PDE3A: variants seen among roughly 807,000 people sequenced by gnomAD.
PDE3A encodes the protein cGMP-inhibited 3',5'-cyclic phosphodiesterase 3A.
PDE3A carries 43 observed loss-of-function variants against 98.3 expected under a neutral mutation model. The observed-to-expected ratio is 0.44, with a 90% CI of 0.34 to 0.56. The LOEUF is 0.56. PDE3A is among the 20% of genes least tolerant of loss of function. The pLI is 0.01. For missense variants in PDE3A, 1,427 were observed against 1,440.7 expected (o/e 0.99, Z 0.15); for synonymous variants, 663 against 567.9 (o/e 1.17, Z -2.38).
At chr12:20,496,994 T>C (rs970828864) in intron 1 of PDE3A, among the ~76,000 whole-genome samples, 7 of 152,176 alleles carry the variant, frequency 4.6e-5, no homozygotes, top group African/African-American at 1.2e-4. Context: ...CCACTTGCTG[T>C]AGTATCTCAA....
At chr12:20,666,938 G>A (rs1289200145) in intron 15 of PDE3A, among the ~76,000 whole-genome samples, 1 of 152,088 alleles carries the variant, frequency 6.6e-6, no homozygotes, top group Non-Finnish European at 1.5e-5. Flanking sequence ...GCCAGCATCT[G>A]TTGTTTTTCT....
intron 15 of PDE3A, among the ~76,000 whole-genome samples, chr12:20,663,719 T>G (rs1384874942): frequency 1.3e-5 from 2 of 152,218 alleles, no homozygotes; most frequent in Non-Finnish European, 2.9e-5. Flanking sequence ...TTGCTTTTGA[T>G]TTTGCAGGTT....
At chr12:20,482,155 G>A (rs534311350) in intron 1 of PDE3A, among the ~76,000 whole-genome samples, 2 of 151,998 alleles carry the variant, frequency 1.3e-5, no homozygotes, top group South Asian at 2.1e-4. Flanking sequence ...TTTGACTCGT[G>A]TGATTACATA....
At chr12:20,659,628 G>T (rs1477023110) in intron 15 of PDE3A, among the ~76,000 whole-genome samples, 2 of 151,880 alleles carry the variant, frequency 1.3e-5, no homozygotes, top group Non-Finnish European at 2.9e-5. Context: ...GTAGAAACAG[G>T]ACCTCACTAT....
Position 20,637,144 on chromosome 12 carries a change from G to A in PDE3A, c.2046G>A (p.Leu682=). The change falls in exon 9 of 16, where the codon CTG becomes CTA. Residue 682 remains leucine, a synonymous_variant. Transcript: ENST00000359062. ...CCGAACCTCTTGTCATGGATAACCT[G>A]GACTCAATTATGGAGCAGCTAAATA... ...LAPEPLVMDN[L]DSIMEQLNTW... 1 of 1,609,224 alleles carries A rather than the reference G, an allele frequency of 6.2e-7. No homozygotes were observed. Among genetic ancestry groups the A allele is most frequent in the South Asian group, 1.1e-5 (1 of 90,548 alleles).
At chr12:20,380,451 T>G (rs1387350772) in intron 1 of PDE3A, among the ~76,000 whole-genome samples, 2 of 151,854 alleles carry the variant, frequency 1.3e-5, no homozygotes, top group Non-Finnish European at 2.9e-5. Context: ...CCACCTACTT[T>G]TTAATAGAAC....
intron 1 of PDE3A, among the ~76,000 whole-genome samples, chr12:20,510,781 GT>G (rs1331409901): frequency 6.6e-6 from 1 of 151,980 alleles, no homozygotes; most frequent in Non-Finnish European, 1.5e-5. Context: ...TCCATAATAT[GT>G]CCTCTGTTTC....
intron 10 of PDE3A, among the ~76,000 whole-genome samples, chr12:20,642,592 C>T (rs1944669646): frequency 6.6e-6 from 1 of 152,172 alleles, no homozygotes; most frequent in Admixed American, 6.5e-5. Flanking sequence ...CTCTCTAAAG[C>T]ATATTCTCCC....
intron 15 of PDE3A, among the ~76,000 whole-genome samples, chr12:20,667,294 C>G (rs1945338913): frequency 6.6e-6 from 1 of 152,032 alleles, no homozygotes; most frequent in Admixed American, 6.6e-5. Flanking sequence ...TCCCATTTGT[C>G]TGTATTTGTT....
chr12:20,416,883 A>G (rs1944429392), intron 1 of PDE3A, among the ~76,000 whole-genome samples: 1 of 152,184 alleles, frequency 6.6e-6, no homozygotes, highest in African/African-American at 2.4e-5. Flanking sequence ...GCTGTAAATT[A>G]TTTAAATTCA....
chr12:20,493,549 A>T (rs1321910797), intron 1 of PDE3A, among the ~76,000 whole-genome samples: 3 of 152,176 alleles, frequency 2.0e-5, no homozygotes, highest in African/African-American at 7.2e-5. Flanking sequence ...CTATATGTAC[A>T]TATACAGACA....
chr12:20,636,954 T>A lies in PDE3A; in HGVS notation c.2002-146T>A, dbSNP rs1592135961. The stretch of plus-strand genomic sequence containing the variant: ...GCGTCAATGTCTCGTTCATGTTGAC[T>A]TTTTTAAGCAAAGATCACTTATTCA... On this transcript the variant is annotated intron_variant, in intron 8 of 15. Coordinates refer to ENST00000359062, the MANE Select transcript of PDE3A (RefSeq NM_000921.5). The A allele has an allele frequency of 7.5e-6, 4 of 531,086 alleles. No homozygotes were observed. The East Asian group carries it at 1.3e-4, about 17-fold the overall frequency. 32.9% of individuals were successfully genotyped at this position (531,086 alleles called of 1,614,324 possible). A position where few individuals can be genotyped will look rare whatever the true frequency, so the allele number is the denominator to read the frequency against.
chr12:20,521,698 C>G (rs1272501286), intron 1 of PDE3A, among the ~76,000 whole-genome samples: 1 of 152,130 alleles, frequency 6.6e-6, no homozygotes. Flanking sequence ...TATTGAGCGT[C>G]TGTTGTGCCG....
chr12:20,558,204 C>CAA (rs148362338), intron 2 of PDE3A, among the ~76,000 whole-genome samples: 23 of 128,876 alleles, frequency 1.8e-4, no homozygotes, highest in East Asian at 9.2e-4. Context: ...TATAAATTGA[C>CAA]AAAAAAAAAA....
At chr12:20,518,957 T>A (rs755488314) in intron 1 of PDE3A, among the ~76,000 whole-genome samples, 1 of 152,196 alleles carries the variant, frequency 6.6e-6, no homozygotes, top group African/African-American at 2.4e-5. Context: ...TTTCATTTCA[T>A]TTAATTGAAA....
rs553703073 is a variant in PDE3A, at chr12:20,533,900, A to C, written c.961-22760A>C. On this transcript the variant is annotated intron_variant, in intron 1 of 15. Transcript: ENST00000359062. ...TAGCCTGCCTTTCAAAATTACATTCAGATTTTTCCACCATTTTCTTTTTAG... is the reference window on the plus strand; with the variant it reads ...TAGCCTGCCTTTCAAAATTACATTCCGATTTTTCCACCATTTTCTTTTTAG... Among the ~76,000 whole-genome samples, 8 of 152,298 alleles carry C rather than the reference A, an allele frequency of 5.3e-5. No homozygotes were observed. In the South Asian group the frequency reaches 1.7e-3, roughly 32 times the overall value.
intron 13 of PDE3A, 64 bp downstream of exon 13, chr12:20,648,955 T>G: frequency 9.9e-7 from 1 of 1,010,436 alleles, no homozygotes; most frequent in African/African-American, 1.7e-5. Flanking sequence ...AGACAGAGTC[T>G]TGCTCTGTCG....
At position 20,687,137 on chromosome 12, in the gene PDE3A, C is replaced by T. The variant is rs1945988492; in HGVS notation, c.*6866C>T. 6.6e-6 allele frequency among the ~76,000 whole-genome samples: 1 copy of T among 151,956 alleles called. No homozygotes were observed. Among genetic ancestry groups the T allele is most frequent in the African/African-American group, 2.4e-5 (1 of 41,384 alleles). On this transcript the variant is annotated 3_prime_UTR_variant, in exon 16 of 16. Transcript: ENST00000359062. Reference sequence around the variant, plus strand: ...AAAAAAGGCAAAATACTCAGATGTTCAATGTGAAATTACAAATAGTTGTTT... The same window carrying T: ...AAAAAAGGCAAAATACTCAGATGTTTAATGTGAAATTACAAATAGTTGTTT...
chr12:20,637,364 A>G (rs1944540446), intron 9 of PDE3A, 127 bp downstream of exon 9: 12 of 593,592 alleles, frequency 2.0e-5, no homozygotes, highest in African/African-American at 1.1e-4. Context: ...TTAGAACACA[A>G]CATTCTGTAG....
Sources: gnomAD v4.1 joint callset for allele counts (sites outside exome capture counted in the v4.1 genomes callset) on GRCh38, gnomAD v4.1.1 for gene constraint, MANE v1.5 for transcripts, NCBI Gene and HGNC (gene_info 2026-07-23, HGNC 2026-07-21) for gene names.